Variants in TMEM232 observed in about 807,000 individuals in gnomAD.
TMEM232 encodes transmembrane protein 232.
A neutral mutation model predicts 78.8 loss-of-function variants in TMEM232; 80 were observed. The observed-to-expected ratio is 1.01, with a 90% CI of 0.85 to 1.22. TMEM232 has a LOEUF of 1.22. TMEM232 is among the 50% of genes most tolerant of loss of function. TMEM232 has a pLI of 0.00. For synonymous variants in TMEM232, 297 were observed against 254.3 expected, an observed-to-expected ratio of 1.17 and a Z score of -1.60; for missense variants, 881 against 742.2, an observed-to-expected ratio of 1.19 and a Z score of -2.17.
intron 2 of TMEM232, among the ~76,000 whole-genome samples, chr5:110,659,204 G>T (rs1335055326): frequency 6.6e-6 from 1 of 152,094 alleles, no homozygotes; most frequent in African/African-American, 2.4e-5. Context: ...AATAATTGTA[G>T]TGTAGTTTCC....
intron 1 of TMEM232, among the ~76,000 whole-genome samples, chr5:110,697,028 C>A (rs1466434606): frequency 6.6e-6 from 1 of 152,140 alleles, no homozygotes; most frequent in Non-Finnish European, 1.5e-5. Flanking sequence ...GGAGGCATCA[C>A]GCTACCTGAC....
intron 12 of TMEM232, among the ~76,000 whole-genome samples, chr5:110,528,318 T>TG (rs1192418728): frequency 1.4e-4 from 22 of 151,924 alleles, no homozygotes; most frequent in Non-Finnish European, 2.8e-4. Context: ...TTGAATGATT[T>TG]GGTTTCTGTT....
chr5:110,512,508 T>G (rs1767931318), intron 12 of TMEM232, among the ~76,000 whole-genome samples: 1 of 152,170 alleles, frequency 6.6e-6, no homozygotes, highest in African/African-American at 2.4e-5. Flanking sequence ...TCACCTCTAT[T>G]AGGTCTGTTT....
chr5:110,422,513 C>T (rs1481313084), intron 13 of TMEM232, among the ~76,000 whole-genome samples: 1 of 89,958 alleles, frequency 1.1e-5, no homozygotes, highest in Non-Finnish European at 1.9e-5. Flanking sequence ...GAGCGAGACT[C>T]TGTCTCAAAA....
Position 110,494,859 on chromosome 5 carries a change from C to T in TMEM232, c.1703+33729G>A, listed in dbSNP as rs556580612. Among the ~76,000 whole-genome samples the T allele has an allele frequency of 3.0e-3, 462 of 151,750 alleles. 3 individuals are homozygous for T. The highest frequency in any genetic ancestry group is 0.011 in the African/African-American group (442 of 41,456). On this transcript the variant is annotated intron_variant, in intron 12 of 13. Transcript: ENST00000455884. ...AAATAATTAGAACTTCTGAATACTA[C>T]ATATAGTATTATTTATATAAAGCAA...
intron 12 of TMEM232, among the ~76,000 whole-genome samples, chr5:110,503,527 C>A (rs1280570521): frequency 6.6e-6 from 1 of 151,950 alleles, no homozygotes; most frequent in Non-Finnish European, 1.5e-5. Flanking sequence ...GATCAGGGTG[C>A]TGAGGGACCA....
intron 12 of TMEM232, among the ~76,000 whole-genome samples, chr5:110,444,957 T>TATCTTCTAA (rs1759484310): frequency 6.6e-6 from 1 of 152,120 alleles, no homozygotes; most frequent in African/African-American, 2.4e-5. Flanking sequence ...TCTTCAATTT[T>TATCTTCTAA]ATCTTCTAAA....
chr5:110,541,561 C>A (rs1773116165), intron 11 of TMEM232, among the ~76,000 whole-genome samples: 1 of 152,036 alleles, frequency 6.6e-6, no homozygotes, highest in African/African-American at 2.4e-5. Context: ...TGCTAAGGCT[C>A]TCAGAATCAA....
chr5:110,428,654 T>G (rs1300409372), intron 12 of TMEM232, among the ~76,000 whole-genome samples: 1 of 151,660 alleles, frequency 6.6e-6, no homozygotes, highest in Non-Finnish European at 1.5e-5. Context: ...TCTTTTTTTT[T>G]TTTTCCCCAG....
chr5:110,511,253 A>G (rs1358266431), intron 12 of TMEM232, among the ~76,000 whole-genome samples: 1 of 152,174 alleles, frequency 6.6e-6, no homozygotes, highest in Non-Finnish European at 1.5e-5. Flanking sequence ...ATGAGAGTAC[A>G]TGGGCACAGG....
At chr5:110,599,676 A>C (rs1780649542) in intron 10 of TMEM232, among the ~76,000 whole-genome samples, 1 of 152,196 alleles carries the variant, frequency 6.6e-6, no homozygotes, top group African/African-American at 2.4e-5. Flanking sequence ...GCAAGTTCTT[A>C]GACACCTACA....
chr5:110,409,918 G>A (rs182740672), intron 2 of TMEM232, among the ~76,000 whole-genome samples: 4 of 152,284 alleles, frequency 2.6e-5, no homozygotes, highest in Admixed American at 6.5e-5. Flanking sequence ...AAGGGAACAC[G>A]CCTAACTAAA....
At chr5:110,404,091 C>A (rs532317919) in intron 2 of TMEM232, among the ~76,000 whole-genome samples, 8 of 152,116 alleles carry the variant, frequency 5.3e-5, no homozygotes, top group African/African-American at 1.9e-4. Context: ...GATGCCTGCA[C>A]CCTCTTCCCA....
At chr5:110,524,455 A>C (rs1770258464) in intron 12 of TMEM232, among the ~76,000 whole-genome samples, 1 of 151,504 alleles carries the variant, frequency 6.6e-6, no homozygotes, top group Admixed American at 6.6e-5. Flanking sequence ...GAAAGAAAGA[A>C]AGAAAAAGAA....
chr5:110,420,850 T>C (rs894772780), intron 13 of TMEM232, 94 bp from the exon 14 acceptor site: 85 of 1,430,244 alleles, frequency 5.9e-5, no homozygotes, highest in Non-Finnish European at 6.5e-5. Flanking sequence ...TATCCAATTA[T>C]CCTTTCAGGT....
chr5:110,422,554 A>AAAAATC (rs1465947266), intron 13 of TMEM232, among the ~76,000 whole-genome samples: 3 of 149,600 alleles, frequency 2.0e-5, no homozygotes. Flanking sequence ...AAAAATTGTG[A>AAAAATC]AAAATCAAAA....
intron 12 of TMEM232, among the ~76,000 whole-genome samples, chr5:110,488,531 T>C (rs932402982): frequency 6.6e-6 from 1 of 152,048 alleles, no homozygotes; most frequent in African/African-American, 2.4e-5. Flanking sequence ...TTGAAATAAA[T>C]TGAAATTAAA....
At chr5:110,671,769 T>C (rs1050648620) in intron 1 of TMEM232, among the ~76,000 whole-genome samples, 5 of 152,094 alleles carry the variant, frequency 3.3e-5, no homozygotes, top group Non-Finnish European at 1.5e-5. Context: ...AGAGGAGCGA[T>C]AGCATTAAGA....
Position 110,399,457 on chromosome 5 carries a change from A to T in TMEM232, n.309-1603T>A, listed in dbSNP as rs117493081. ...AATATGCTTAATCCCTTTGGGAGAC[A>T]ATGAGGGCATCAAATATCTGAGATA... On this transcript the variant is annotated intron_variant and non_coding_transcript_variant, in intron 2 of 8. Transcript: ENST00000507188. Among the ~76,000 whole-genome samples the T allele has an allele frequency of 8.7e-4, 133 of 152,268 alleles. 1 individual carries two copies. In the East Asian group the frequency reaches 0.022, roughly 26 times the overall value.
Sources: gnomAD v4.1 joint callset for allele counts (sites outside exome capture counted in the v4.1 genomes callset) on GRCh38, gnomAD v4.1.1 for gene constraint, MANE v1.5 for transcripts, NCBI Gene and HGNC (gene_info 2026-07-23, HGNC 2026-07-21) for gene names.